The following CSMD3 variants were observed in gnomAD, a reference collection of about 807,000 sequenced individuals.
CSMD3 encodes CUB and Sushi multiple domains 3.
In CSMD3, 177 loss-of-function variants were observed where a neutral mutation model predicts 435.2. The observed-to-expected ratio is 0.41, with a 90% CI of 0.36 to 0.46. The LOEUF is 0.46. CSMD3 is among the 20% of genes least tolerant of loss of function. The pLI, the probability that CSMD3 is intolerant of heterozygous loss-of-function variation, is 0.34. For synonymous variants in CSMD3, 1,656 were observed against 1,520.5 expected (o/e 1.09, Z -2.07); for missense variants, 4,265 against 4,504.6 (o/e 0.95, Z 1.52).
chr8:113,429,241 T>C (rs2094655447), intron 1 of CSMD3, among the ~76,000 whole-genome samples: 1 of 86,092 alleles, frequency 1.2e-5, no homozygotes, highest in Non-Finnish European at 2.6e-5. Flanking sequence ...AATTGTCTTA[T>C]ATATATATAT....
At chr8:113,227,078 G>A (rs1485727626) in intron 3 of CSMD3, among the ~76,000 whole-genome samples, 3 of 151,492 alleles carry the variant, frequency 2.0e-5, no homozygotes, top group African/African-American at 2.4e-5. Flanking sequence ...ACTTGCTCTT[G>A]TTCTCTTCCT....
At chr8:113,183,750 A>G (rs1379797008) in intron 3 of CSMD3, among the ~76,000 whole-genome samples, 1 of 151,954 alleles carries the variant, frequency 6.6e-6, no homozygotes, top group Non-Finnish European at 1.5e-5. Flanking sequence ...TACATGTGAT[A>G]TTTTGATACT....
intron 32 of CSMD3, among the ~76,000 whole-genome samples, chr8:112,471,740 A>C (rs1818545116): frequency 6.6e-6 from 1 of 152,178 alleles, no homozygotes; most frequent in South Asian, 2.1e-4. Flanking sequence ...GATAAAATCC[A>C]TGTCCTTCTG....
intron 12 of CSMD3, among the ~76,000 whole-genome samples, chr8:112,814,335 G>A (rs547313227): frequency 6.8e-4 from 103 of 152,248 alleles, no homozygotes; most frequent in Admixed American, 1.6e-3. Context: ...GTTCAGGTGT[G>A]CTTACATTCC....
intron 11 of CSMD3, among the ~76,000 whole-genome samples, chr8:112,856,770 C>A (rs1033763423): frequency 6.6e-6 from 1 of 151,748 alleles, no homozygotes; most frequent in African/African-American, 2.4e-5. Flanking sequence ...AAAACATGAA[C>A]AATAATTACT....
intron 10 of CSMD3, among the ~76,000 whole-genome samples, chr8:112,896,154 T>A (rs1285864615): frequency 6.6e-6 from 1 of 151,434 alleles, no homozygotes; most frequent in Non-Finnish European, 1.5e-5. Context: ...GAGCTTTTAC[T>A]TGGAGTTTGC....
intron 17 of CSMD3, among the ~76,000 whole-genome samples, chr8:112,658,765 C>A (rs901522903): frequency 6.6e-6 from 1 of 152,084 alleles, no homozygotes; most frequent in Non-Finnish European, 1.5e-5. Flanking sequence ...TGAGACCAGC[C>A]TGGCCAACAT....
chr8:112,873,644 ATAAT>A (rs1201862154), intron 10 of CSMD3, among the ~76,000 whole-genome samples: 2 of 152,022 alleles, frequency 1.3e-5, no homozygotes, highest in Non-Finnish European at 2.9e-5. Flanking sequence ...TTTTTAATAA[ATAAT>A]TAAGTAAAAT....
chr8:112,940,964 A>G (rs2083434119), intron 9 of CSMD3, among the ~76,000 whole-genome samples: 2 of 151,858 alleles, frequency 1.3e-5, no homozygotes, highest in African/African-American at 4.8e-5. Flanking sequence ...TCACACATAC[A>G]GAAACATGAA....
intron 10 of CSMD3, among the ~76,000 whole-genome samples, chr8:112,907,197 T>A (rs1229020260): frequency 6.6e-6 from 1 of 151,438 alleles, no homozygotes; most frequent in Admixed American, 6.6e-5. Flanking sequence ...AAAAGAATAG[T>A]CCCTATCTAA....
chr8:112,297,692 C>A (rs781457192), intron 53 of CSMD3, among the ~76,000 whole-genome samples: 1 of 151,978 alleles, frequency 6.6e-6, no homozygotes, highest in Non-Finnish European at 1.5e-5. Flanking sequence ...TCAGGTAATA[C>A]GTACGTAGAA....
chr8:113,234,606 C>G (rs1588332928), intron 3 of CSMD3, among the ~76,000 whole-genome samples: 1 of 152,120 alleles, frequency 6.6e-6, no homozygotes, highest in East Asian at 1.9e-4. Flanking sequence ...TTATAACAAC[C>G]TTGGCCAATA....
intron 13 of CSMD3, among the ~76,000 whole-genome samples, chr8:112,783,686 C>T (rs1185420482): frequency 2.0e-5 from 3 of 151,996 alleles, no homozygotes; most frequent in Non-Finnish European, 4.4e-5. Context: ...ATATCTGCTG[C>T]CTAGAAGAAA....
At chr8:112,890,901 G>A (rs1199926405) in intron 10 of CSMD3, among the ~76,000 whole-genome samples, 1 of 151,590 alleles carries the variant, frequency 6.6e-6, no homozygotes. Context: ...TGAGAGCTAA[G>A]GATTGCTACA....
chr8:112,479,435 C>T (rs1258799116), intron 31 of CSMD3, among the ~76,000 whole-genome samples: 1 of 152,172 alleles, frequency 6.6e-6, no homozygotes, highest in Non-Finnish European at 1.5e-5. Context: ...GAGCCAAGTG[C>T]TAATATCCAA....
chr8:112,856,082 A>G (rs2080650234), intron 11 of CSMD3, among the ~76,000 whole-genome samples: 1 of 151,948 alleles, frequency 6.6e-6, no homozygotes, highest in African/African-American at 2.4e-5. Context: ...ATGCAAGAAG[A>G]ACAATTAATT....
intron 13 of CSMD3, among the ~76,000 whole-genome samples, chr8:112,713,957 C>A (rs1409226315): frequency 2.0e-5 from 3 of 152,086 alleles, no homozygotes; most frequent in African/African-American, 7.2e-5. Context: ...CAGTACCAGA[C>A]ACTGGAAAAA....
At chr8:112,770,460 G>T (rs934364014) in intron 13 of CSMD3, among the ~76,000 whole-genome samples, 13 of 151,954 alleles carry the variant, frequency 8.6e-5, no homozygotes, top group African/African-American at 2.9e-4. Context: ...AGACTTCTCA[G>T]CCTCAGAACT....
At chr8:113,326,574 G>C (rs2093985339) in intron 1 of CSMD3, among the ~76,000 whole-genome samples, 1 of 151,946 alleles carries the variant, frequency 6.6e-6, no homozygotes. Context: ...GTACATATTA[G>C]TACGCTCTAC....
Sources: gnomAD v4.1 joint callset for allele counts (sites outside exome capture counted in the v4.1 genomes callset) on GRCh38, gnomAD v4.1.1 for gene constraint, MANE v1.5 for transcripts, NCBI Gene and HGNC (gene_info 2026-07-23, HGNC 2026-07-21) for gene names.